The following ZNF385B variants were observed in gnomAD, a reference collection of about 807,000 sequenced individuals.
The protein encoded by ZNF385B is zinc finger protein 533.
ZNF385B carries 23 observed loss-of-function variants against 39.2 expected under a neutral mutation model. That is an observed-to-expected ratio of 0.59 (90% CI 0.42 to 0.83). The LOEUF (loss-of-function observed/expected upper bound fraction) is 0.83, where lower values mean the gene tolerates loss of function less well. ZNF385B is among the 40% of genes least tolerant of loss of function. The probability of loss-of-function intolerance (pLI) is 0.00; values close to 1 mark genes in which losing one functional copy is unlikely to be tolerated. For synonymous variants in ZNF385B, 205 were observed against 222.6 expected, an observed-to-expected ratio of 0.92 and a Z score of 0.70; for missense variants, 552 against 598.9, an observed-to-expected ratio of 0.92 and a Z score of 0.82.
intron 3 of ZNF385B, among the ~76,000 whole-genome samples, chr2:179,653,390 G>A (rs979425274): frequency 1.3e-5 from 2 of 152,148 alleles, no homozygotes; most frequent in African/African-American, 4.8e-5. Flanking sequence ...AACAGCTCTT[G>A]TTGAGTAGTT....
chr2:179,557,591 CAT>C lies in ZNF385B; in HGVS notation c.299-12624_299-12623del, dbSNP rs571424879. 4.3e-3 allele frequency among the ~76,000 whole-genome samples: 9 copies of C among 2,092 alleles called. 1 individual carries two copies. The highest frequency in any genetic ancestry group is 0.031 in the East Asian group (2 of 64). 1.4% of individuals were successfully genotyped at this position (2,092 alleles called of 152,430 possible). ...ATGTATGTTATATACATGTATATAA[CAT>C]ATATACATGTTATATATGTATGTTA... is the stretch of plus-strand genomic sequence containing the variant. On this transcript the variant is annotated intron_variant, in intron 3 of 9. Coordinates refer to ENST00000410066, the MANE Select transcript of ZNF385B (RefSeq NM_152520.6).
intron 5 of ZNF385B, among the ~76,000 whole-genome samples, chr2:179,485,677 G>T: frequency 6.6e-6 from 1 of 152,062 alleles, no homozygotes; most frequent in East Asian, 1.9e-4. Context: ...CTATATATTT[G>T]CTCTCCCATT....
chr2:179,591,089 G>T (rs1286951992), intron 3 of ZNF385B, among the ~76,000 whole-genome samples: 1 of 121,610 alleles, frequency 8.2e-6, no homozygotes, highest in African/African-American at 3.1e-5. Context: ...GTCCCAGAGT[G>T]GTTCATGATT....
chr2:179,851,629 C>A (rs1052945256), intron 1 of ZNF385B, among the ~76,000 whole-genome samples: 3 of 152,152 alleles, frequency 2.0e-5, no homozygotes, highest in Non-Finnish European at 2.9e-5. Context: ...CATGATAGAA[C>A]ACTATTGCTG....
chr2:179,618,497 C>T (rs903334740), intron 3 of ZNF385B, among the ~76,000 whole-genome samples: 5 of 152,188 alleles, frequency 3.3e-5, no homozygotes, highest in African/African-American at 1.2e-4. Flanking sequence ...ACTTGTTTTG[C>T]TTTCCAGTTC....
intron 6 of ZNF385B, 124 bp downstream of exon 6, chr2:179,483,148 C>T (rs2054184125): frequency 1.9e-6 from 2 of 1,064,974 alleles, no homozygotes; most frequent in Non-Finnish European, 2.7e-6. Context: ...GTGAAGAAAA[C>T]ATATTAATAT....
intron 3 of ZNF385B, among the ~76,000 whole-genome samples, chr2:179,700,478 TG>T (rs61401836): frequency 0.38 from 58,066 of 151,936 alleles, 11,205 homozygotes; most frequent in Admixed American, 0.44. Flanking sequence ...GAGTAAATGT[TG>T]CTTTCTTTAA....
At chr2:179,554,777 T>C (rs931361048) in intron 3 of ZNF385B, among the ~76,000 whole-genome samples, 4 of 149,348 alleles carry the variant, frequency 2.7e-5, no homozygotes, top group Non-Finnish European at 5.9e-5. Context: ...GTTAGGAATA[T>C]GTGAATTACA....
chr2:179,557,543 TATAACATATATAC>T, intron 3 of ZNF385B, among the ~76,000 whole-genome samples: 2 of 121,490 alleles, frequency 1.6e-5, no homozygotes, highest in East Asian at 2.2e-4. Flanking sequence ...TATACATGTA[TATAACATATATAC>T]ATGTTATATA....
At chr2:179,550,143 T>A (rs1367206697) in intron 3 of ZNF385B, among the ~76,000 whole-genome samples, 2 of 149,644 alleles carry the variant, frequency 1.3e-5, no homozygotes, top group Non-Finnish European at 3.0e-5. Flanking sequence ...ATTTTATTAT[T>A]ACTATAATCA....
At chr2:179,580,461 T>C (rs1468591083) in intron 3 of ZNF385B, among the ~76,000 whole-genome samples, 2 of 152,218 alleles carry the variant, frequency 1.3e-5, no homozygotes, top group Non-Finnish European at 2.9e-5. Flanking sequence ...TGAGTATTTA[T>C]GTCCCCCTTA....
intron 1 of ZNF385B, among the ~76,000 whole-genome samples, chr2:179,854,583 C>A (rs1342503238): frequency 6.6e-6 from 1 of 152,114 alleles, no homozygotes; most frequent in East Asian, 1.9e-4. Flanking sequence ...TCAGTATAAA[C>A]CAACCAAGAG....
chr2:179,572,580 G>A (rs1685349623), intron 3 of ZNF385B, among the ~76,000 whole-genome samples: 1 of 152,158 alleles, frequency 6.6e-6, no homozygotes, highest in African/African-American at 2.4e-5. Flanking sequence ...AACAGGACAT[G>A]ACAACTGATT....
At chr2:179,476,348 C>G (rs1218556800) in intron 6 of ZNF385B, among the ~76,000 whole-genome samples, 1 of 152,130 alleles carries the variant, frequency 6.6e-6, no homozygotes, top group Middle Eastern at 3.4e-3. Flanking sequence ...GAGATAAATA[C>G]TAGTTAAAAT....
chr2:179,609,929 T>C (rs1413652649), intron 3 of ZNF385B, among the ~76,000 whole-genome samples: 2 of 152,194 alleles, frequency 1.3e-5, no homozygotes, highest in African/African-American at 4.8e-5. Context: ...TTCTATAGAA[T>C]TGCTTGAGTT....
intron 1 of ZNF385B, among the ~76,000 whole-genome samples, chr2:179,789,828 T>C (rs1024379639): frequency 3.3e-5 from 5 of 152,064 alleles, no homozygotes; most frequent in African/African-American, 1.2e-4. Context: ...AGTTTGCCTA[T>C]TTGGGGATGG....
chr2:179,632,239 A>G (rs956361506), intron 3 of ZNF385B, among the ~76,000 whole-genome samples: 3 of 152,234 alleles, frequency 2.0e-5, no homozygotes, highest in Non-Finnish European at 2.9e-5. Flanking sequence ...TCAAATCAAC[A>G]GAATATACAT....
intron 1 of ZNF385B, among the ~76,000 whole-genome samples, chr2:179,826,739 G>A (rs1014993303): frequency 1.4e-4 from 22 of 151,842 alleles, no homozygotes; most frequent in African/African-American, 4.8e-4. Flanking sequence ...TTCTCTCACT[G>A]CCTAGCACCT....
At chr2:179,752,776 GTTGT>G (rs1371066504) in intron 3 of ZNF385B, among the ~76,000 whole-genome samples, 15 of 152,064 alleles carry the variant, frequency 9.9e-5, no homozygotes, top group Admixed American at 3.3e-4. Context: ...TTGTGATGGG[GTTGT>G]TTGTTTTTTT....
Sources: gnomAD v4.1 joint callset for allele counts (sites outside exome capture counted in the v4.1 genomes callset) on GRCh38, gnomAD v4.1.1 for gene constraint, MANE v1.5 for transcripts, NCBI Gene and HGNC (gene_info 2026-07-23, HGNC 2026-07-21) for gene names.